Variants in IGF1R observed in about 807,000 individuals in gnomAD.
IGF1R encodes insulin-like growth factor 1 receptor.
In IGF1R, 44 loss-of-function variants were observed where a neutral mutation model predicts 144.6. The observed-to-expected ratio is 0.30, with a 90% CI of 0.24 to 0.39. The LOEUF (loss-of-function observed/expected upper bound fraction) is 0.39. Ranked by LOEUF, IGF1R falls within the 10% of genes least tolerant of loss-of-function variation. The pLI is 1.00. For missense variants in IGF1R, 1,355 were observed against 1,833.7 expected, an observed-to-expected ratio of 0.74 and a Z score of 4.77; for synonymous variants, 795 against 722.8, an observed-to-expected ratio of 1.10 and a Z score of -1.60.
At chr15:98,767,655 T>C (rs768738520) in intron 2 of IGF1R, among the ~76,000 whole-genome samples, 20 of 152,216 alleles carry the variant, frequency 1.3e-4, no homozygotes, top group Non-Finnish European at 2.5e-4. Flanking sequence ...TTTGAAACGG[T>C]AGAATTAATG....
At chr15:98,829,219 C>T (rs911447834) in intron 2 of IGF1R, among the ~76,000 whole-genome samples, 45 of 152,148 alleles carry the variant, frequency 3.0e-4, no homozygotes, top group Non-Finnish European at 5.7e-4. Flanking sequence ...TGCTAGATTC[C>T]TTGTTGCTGC....
At chr15:98,789,821 A>G (rs2056088582) in intron 2 of IGF1R, among the ~76,000 whole-genome samples, 1 of 152,004 alleles carries the variant, frequency 6.6e-6, no homozygotes, top group Non-Finnish European at 1.5e-5. Flanking sequence ...TTTGGGGGCG[A>G]GTTATCTGGG....
At chr15:98,652,377 G>A (rs979848229) in intron 1 of IGF1R, among the ~76,000 whole-genome samples, 1 of 152,234 alleles carries the variant, frequency 6.6e-6, no homozygotes, top group Non-Finnish European at 1.5e-5. Context: ...TATGTGAAAT[G>A]TTGGTGTTTA....
chr15:98,843,018 G>C (rs1170623316), intron 2 of IGF1R, among the ~76,000 whole-genome samples: 1 of 152,092 alleles, frequency 6.6e-6, no homozygotes, highest in Non-Finnish European at 1.5e-5. Context: ...ATATTACCAC[G>C]GTTAGAATTT....
At chr15:98,697,201 G>T (rs1355266380) in intron 1 of IGF1R, among the ~76,000 whole-genome samples, 1 of 152,110 alleles carries the variant, frequency 6.6e-6, no homozygotes, top group South Asian at 2.1e-4. Context: ...ACTGTGTTGG[G>T]GTACAGATGT....
chr15:98,725,385 CTTT>C (rs148068493), intron 2 of IGF1R, among the ~76,000 whole-genome samples: 41 of 152,190 alleles, frequency 2.7e-4, no homozygotes, highest in African/African-American at 9.6e-4. Context: ...GAAAGGGCAT[CTTT>C]TTTTTCCCCT....
chr15:98,859,996 A>T (rs1406491783), intron 2 of IGF1R, among the ~76,000 whole-genome samples: 1 of 152,056 alleles, frequency 6.6e-6, no homozygotes, highest in Non-Finnish European at 1.5e-5. Context: ...GCTCACTGCA[A>T]CCTTCACCTC....
At chr15:98,795,395 T>C (rs2056216765) in intron 2 of IGF1R, among the ~76,000 whole-genome samples, 1 of 151,440 alleles carries the variant, frequency 6.6e-6, no homozygotes, top group Non-Finnish European at 1.5e-5. Flanking sequence ...TATGTGTTTC[T>C]TTCTTGTTTT....
At position 98,881,445 on chromosome 15, in the gene IGF1R, C is replaced by T. The variant is rs187758979; in HGVS notation, c.641-9880C>T. On this transcript the variant is annotated intron_variant, in intron 2 of 20. Transcript: ENST00000650285. ...AAGCAATTCTCCTGCCTCGGCCTCC[C>T]GAGTAGCTAGGACTACAGGTGTGCC... Among the ~76,000 whole-genome samples, 222 of 152,232 alleles carry T rather than the reference C, an allele frequency of 1.5e-3. 4 individuals carry two copies. Among genetic ancestry groups the T allele is most frequent in the South Asian group, 0.013 (65 of 4,830 alleles).
At chr15:98,657,470 C>T (rs540393288) in intron 1 of IGF1R, among the ~76,000 whole-genome samples, 122 of 152,300 alleles carry the variant, frequency 8.0e-4, no homozygotes, top group African/African-American at 2.9e-3. Flanking sequence ...TACCTAATTT[C>T]CCTGAGTCTC....
At chr15:98,703,082 T>G (rs2053776235) in intron 1 of IGF1R, among the ~76,000 whole-genome samples, 1 of 152,174 alleles carries the variant, frequency 6.6e-6, no homozygotes, top group Admixed American at 6.5e-5. Flanking sequence ...ATTCTCTGGC[T>G]TTGGGGACTT....
chr15:98,649,812 G>C (rs2052304979), intron 1 of IGF1R, 137 bp downstream of exon 1: 1 of 645,360 alleles, frequency 1.5e-6, no homozygotes, highest in Non-Finnish European at 2.7e-6. Flanking sequence ...GGGGCGCAGG[G>C]CGGCTCTGCC....
chr15:98,920,423 T>C (rs2015434789), intron 10 of IGF1R, among the ~76,000 whole-genome samples: 1 of 152,142 alleles, frequency 6.6e-6, no homozygotes, highest in Non-Finnish European at 1.5e-5. Context: ...TAAATGGGGG[T>C]GGGCTGAGCC....
chr15:98,687,845 C>T (rs917754215), intron 1 of IGF1R, among the ~76,000 whole-genome samples: 4 of 152,132 alleles, frequency 2.6e-5, no homozygotes, highest in African/African-American at 7.3e-5. Context: ...AGATTTTTGT[C>T]TTTGCCATCT....
At chr15:98,706,586 G>T (rs1006337987) in intron 1 of IGF1R, among the ~76,000 whole-genome samples, 1 of 120,772 alleles carries the variant, frequency 8.3e-6, no homozygotes, top group African/African-American at 3.8e-5. Context: ...ATAAGGGATT[G>T]GTTAAAAAAA....
intron 1 of IGF1R, among the ~76,000 whole-genome samples, chr15:98,651,342 G>A (rs1382700337): frequency 5.3e-5 from 8 of 152,228 alleles, no homozygotes; most frequent in Non-Finnish European, 1.0e-4. Context: ...ACCTTCCACA[G>A]ATCTGGGCTC....
At chr15:98,879,883 A>G (rs1340716530) in intron 2 of IGF1R, among the ~76,000 whole-genome samples, 1 of 152,248 alleles carries the variant, frequency 6.6e-6, no homozygotes, top group African/African-American at 2.4e-5. Context: ...CACAAAAGAC[A>G]CTACCTATTG....
intron 13 of IGF1R, among the ~76,000 whole-genome samples, chr15:98,927,266 T>G (rs2015758804): frequency 6.6e-6 from 1 of 152,236 alleles, no homozygotes; most frequent in African/African-American, 2.4e-5. Flanking sequence ...TCTGTCCTGC[T>G]ACAGTTTAGT....
At chr15:98,781,318 A>G (rs1486889254) in intron 2 of IGF1R, among the ~76,000 whole-genome samples, 1 of 152,202 alleles carries the variant, frequency 6.6e-6, no homozygotes, top group Non-Finnish European at 1.5e-5. Flanking sequence ...CAGGTTTAAA[A>G]TTGGGGGCAA....
Sources: gnomAD v4.1 joint callset for allele counts (sites outside exome capture counted in the v4.1 genomes callset) on GRCh38, gnomAD v4.1.1 for gene constraint, MANE v1.5 for transcripts, NCBI Gene and HGNC (gene_info 2026-07-23, HGNC 2026-07-21) for gene names.